Variants in ADCY8 observed in about 807,000 individuals in gnomAD.
ADCY8 encodes adenylate cyclase type 8.
In ADCY8, 51 loss-of-function variants were observed where a neutral mutation model predicts 119.7. That is an observed-to-expected ratio of 0.43 (90% CI 0.34 to 0.54). ADCY8 has a LOEUF of 0.54. Ranked by LOEUF, ADCY8 falls within the 20% of genes least tolerant of loss-of-function variation. The pLI is 0.03. For missense variants in ADCY8, 1,383 were observed against 1,598.8 expected, an observed-to-expected ratio of 0.87 and a Z score of 2.30; for synonymous variants, 665 against 651.0, an observed-to-expected ratio of 1.02 and a Z score of -0.33.
intron 8 of ADCY8, among the ~76,000 whole-genome samples, chr8:130,871,248 T>C (rs1323679547): frequency 6.6e-6 from 1 of 152,224 alleles, no homozygotes; most frequent in Non-Finnish European, 1.5e-5. Context: ...GTGTGCTTAT[T>C]GCCTGCCAAA....
chr8:131,015,175 G>T (rs1323361935), intron 1 of ADCY8, among the ~76,000 whole-genome samples: 1 of 152,188 alleles, frequency 6.6e-6, no homozygotes, highest in Admixed American at 6.5e-5. Context: ...CTGAGGATAT[G>T]TCAGTCATCA....
At chr8:130,970,507 AATT>A (rs767870937) in intron 2 of ADCY8, among the ~76,000 whole-genome samples, 1 of 152,196 alleles carries the variant, frequency 6.6e-6, no homozygotes, top group Non-Finnish European at 1.5e-5. Flanking sequence ...TGACTCATAT[AATT>A]ATTTCATTAC....
At chr8:130,937,035 T>C (rs1056375054) in intron 5 of ADCY8, 38 bp downstream of exon 5, 17 of 1,587,934 alleles carry the variant, frequency 1.1e-5, no homozygotes, top group East Asian at 9.0e-5. Context: ...ATCGTGCACA[T>C]TGAAGACCCA....
chr8:130,814,112 C>A lies in ADCY8; in HGVS notation c.2870G>T (p.Ser957Ile). ...CTCTAGGAAATGGCGGGCCACATGG[C>A]TGGGTAAGATATTCCGGAGCATGTT... ...NENMLRNILP[S>I]HVARHFLEKD... The change falls in exon 14 of 18, where the codon AGC becomes ATC. Residue 957 changes from serine to isoleucine, a missense_variant. Coordinates refer to ENST00000286355, the MANE Select transcript of ADCY8 (RefSeq NM_001115.3). 1.9e-6 allele frequency: 3 copies of A among 1,614,172 alleles called. No individual in the cohort carries two copies. Among genetic ancestry groups the A allele is most frequent in the Non-Finnish European group, 2.5e-6 (3 of 1,180,028 alleles).
chr8:131,017,845 G>T (rs1157921660), intron 1 of ADCY8, among the ~76,000 whole-genome samples: 1 of 151,846 alleles, frequency 6.6e-6, no homozygotes, highest in East Asian at 1.9e-4. Flanking sequence ...ATCCCACTAG[G>T]AGATGAGCAG....
At chr8:130,870,768 A>T (rs1182533031) in intron 8 of ADCY8, among the ~76,000 whole-genome samples, 1 of 152,110 alleles carries the variant, frequency 6.6e-6, no homozygotes, top group African/African-American at 2.4e-5. Flanking sequence ...GTTGCGTAAG[A>T]TATTATATTT....
At chr8:131,029,609 T>C (rs1224472895) in intron 1 of ADCY8, among the ~76,000 whole-genome samples, 1 of 152,206 alleles carries the variant, frequency 6.6e-6, no homozygotes, top group Non-Finnish European at 1.5e-5. Flanking sequence ...TACCCATGAA[T>C]AATTCAGGCC....
chr8:130,893,794 T>TTG (rs780323461), intron 7 of ADCY8, among the ~76,000 whole-genome samples: 1 of 144,086 alleles, frequency 6.9e-6, no homozygotes, highest in African/African-American at 2.7e-5. Context: ...GTGTGCATGT[T>TTG]TGTGTGTGTG....
intron 1 of ADCY8, among the ~76,000 whole-genome samples, chr8:131,003,545 G>A (rs1324672465): frequency 6.6e-6 from 1 of 152,150 alleles, no homozygotes; most frequent in Admixed American, 6.5e-5. Flanking sequence ...GGGACTTGGG[G>A]GAACGTCTGT....
chr8:130,979,405 G>A (rs1201582450), intron 2 of ADCY8, among the ~76,000 whole-genome samples: 1 of 152,142 alleles, frequency 6.6e-6, no homozygotes, highest in African/African-American at 2.4e-5. Context: ...TGTGACAATT[G>A]TACACCTGCC....
At chr8:131,034,360 T>A (rs1378863254) in intron 1 of ADCY8, among the ~76,000 whole-genome samples, 1 of 152,088 alleles carries the variant, frequency 6.6e-6, no homozygotes, top group Non-Finnish European at 1.5e-5. Flanking sequence ...TTCATTTAAG[T>A]GGTCAGAAAT....
chr8:130,968,110 A>C (rs111514550), intron 2 of ADCY8, among the ~76,000 whole-genome samples: 1,824 of 152,252 alleles, frequency 0.012, 25 homozygotes, highest in Middle Eastern at 0.027. Context: ...GATGCAGGCA[A>C]TAAGAGGGAC....
intron 14 of ADCY8, among the ~76,000 whole-genome samples, chr8:130,809,762 T>C (rs1462719705): frequency 1.3e-5 from 2 of 152,210 alleles, no homozygotes; most frequent in Admixed American, 1.3e-4. Flanking sequence ...ATGGCCTTAT[T>C]TGGAACACCT....
rs1815033176 is a variant in ADCY8, at chr8:130,780,360, A to AC, written c.*29dup. 3.3e-6 allele frequency: 4 copies of AC among 1,211,878 alleles called. No homozygotes were observed. The East Asian group carries it at 1.2e-4, about 35-fold the overall frequency. The allele number at this position is 1,211,878 out of a possible 1,614,324, so 75.1% of individuals were successfully genotyped here. On this transcript the variant is annotated 3_prime_UTR_variant, in exon 18 of 18. Transcript: ENST00000286355. ...TATTTATTTTATATATAAAAGAAAT[A>AC]CAAAAAAAAAAAACAGAAAGAAAAT... is the stretch of plus-strand genomic sequence containing the variant.
intron 14 of ADCY8, among the ~76,000 whole-genome samples, chr8:130,808,472 T>A (rs770816468): frequency 7.2e-5 from 11 of 152,156 alleles, no homozygotes; most frequent in Non-Finnish European, 1.0e-4. Flanking sequence ...GTAAATGTAA[T>A]GAATCAGATG....
intron 8 of ADCY8, among the ~76,000 whole-genome samples, chr8:130,869,640 C>A (rs1818264224): frequency 6.6e-6 from 1 of 151,516 alleles, no homozygotes. Context: ...GCCTCAGCCT[C>A]CCGAGTAGCT....
intron 7 of ADCY8, among the ~76,000 whole-genome samples, chr8:130,900,650 C>T (rs1387676737): frequency 1.3e-5 from 2 of 152,226 alleles, no homozygotes; most frequent in Non-Finnish European, 2.9e-5. Flanking sequence ...CTTCTGACAA[C>T]TTTGACTGTT....
chr8:131,016,618 C>A (rs1307321554), intron 1 of ADCY8, among the ~76,000 whole-genome samples: 1 of 152,048 alleles, frequency 6.6e-6, no homozygotes, highest in Admixed American at 6.5e-5. Flanking sequence ...ATAATTCAGG[C>A]AGAGGGAATA....
intron 5 of ADCY8, among the ~76,000 whole-genome samples, chr8:130,917,501 CA>C (rs1820164473): frequency 6.6e-6 from 1 of 152,132 alleles, no homozygotes; most frequent in Non-Finnish European, 1.5e-5. Context: ...CACTCACATT[CA>C]AAAGCAGGGT....
Sources: gnomAD v4.1 joint callset for allele counts (sites outside exome capture counted in the v4.1 genomes callset) on GRCh38, gnomAD v4.1.1 for gene constraint, MANE v1.5 for transcripts, NCBI Gene and HGNC (gene_info 2026-07-23, HGNC 2026-07-21) for gene names.